The following TMTC2 variants were observed in gnomAD, a reference collection of about 807,000 sequenced individuals.
TMTC2 encodes protein O-mannosyl-transferase TMTC2.
TMTC2 carries 43 observed loss-of-function variants against 82.4 expected under a neutral mutation model. The ratio of observed to expected loss-of-function variants is 0.52; its 90% CI spans 0.41 to 0.67. The LOEUF (loss-of-function observed/expected upper bound fraction) is 0.67, where lower values mean the gene tolerates loss of function less well. Ranked by LOEUF, TMTC2 falls within the 30% of genes least tolerant of loss-of-function variation. The pLI is 0.00. For missense variants in TMTC2, 919 were observed against 1,012.4 expected, an observed-to-expected ratio of 0.91 and a Z score of 1.25; for synonymous variants, 408 against 381.9, an observed-to-expected ratio of 1.07 and a Z score of -0.80.
chr12:82,735,642 G>A lies in TMTC2; in HGVS notation c.83+47973G>A, dbSNP rs893730987. On this transcript the variant is annotated intron_variant, in intron 1 of 11. Transcript: ENST00000321196. The stretch of plus-strand genomic sequence containing the variant: ...TTACAGGCGTGAGCCACCGCACCCA[G>A]CCCCCCTAATTTTGATTTTTTAAAG... Among the ~76,000 whole-genome samples, 3 of 142,178 alleles carry A rather than the reference G, an allele frequency of 2.1e-5. No individual in the cohort carries two copies. The South Asian group carries it at 7.8e-4, about 37-fold the overall frequency. The allele number at this position is 142,178 out of a possible 152,430, so 93.3% of individuals were successfully genotyped here. A position where few individuals can be genotyped will look rare whatever the true frequency, so the allele number is the denominator to read the frequency against.
At position 83,102,198 on chromosome 12, in the gene TMTC2, CAT is replaced by C. The variant is rs1206298810; in HGVS notation, c.2332-30011_2332-30010del. Among the ~76,000 whole-genome samples, 4 of 152,306 alleles carry C rather than the reference CAT, an allele frequency of 2.6e-5. No homozygotes were observed. In the East Asian group the frequency reaches 5.8e-4, roughly 22 times the overall value. On this transcript the variant is annotated intron_variant, in intron 11 of 11. Coordinates refer to ENST00000321196, the MANE Select transcript of TMTC2 (RefSeq NM_152588.3). ...GGATAGATAGCAAGAAAAGTTGACA[CAT>C]GTGTCCTTTATTCATCCTGTGAATA...
At chr12:82,966,840 G>GAA in intron 6 of TMTC2, 79 bp from the exon 7 acceptor site, 9 of 1,059,672 alleles carry the variant, frequency 8.5e-6, no homozygotes, top group Non-Finnish European at 1.2e-5. Flanking sequence ...AACTTTGGAA[G>GAA]AAAGTTATTA....
intron 2 of TMTC2, among the ~76,000 whole-genome samples, chr12:82,893,058 A>C (rs531711361): frequency 6.6e-6 from 1 of 152,202 alleles, no homozygotes; most frequent in Non-Finnish European, 1.5e-5. Flanking sequence ...GAGGCTTTGA[A>C]GTATTTCGGC....
At chr12:83,009,870 C>G (rs1880376244) in intron 8 of TMTC2, among the ~76,000 whole-genome samples, 2 of 152,150 alleles carry the variant, frequency 1.3e-5, no homozygotes, top group Admixed American at 6.5e-5. Context: ...GATAAACAAG[C>G]ATTAGATTTT....
intron 4 of TMTC2, among the ~76,000 whole-genome samples, chr12:82,940,849 G>C (rs1410256420): frequency 6.6e-6 from 1 of 151,862 alleles, no homozygotes; most frequent in South Asian, 2.1e-4. Context: ...GTCTCACAAA[G>C]CCACTAATAC....
At chr12:82,836,024 C>T (rs953738453) in intron 1 of TMTC2, among the ~76,000 whole-genome samples, 20 of 152,200 alleles carry the variant, frequency 1.3e-4, no homozygotes, top group Admixed American at 2.6e-4. Flanking sequence ...GGGGCTCTAA[C>T]ACCATGTTTC....
intron 1 of TMTC2, among the ~76,000 whole-genome samples, chr12:82,767,762 T>C (rs1034783018): frequency 6.6e-6 from 1 of 152,218 alleles, no homozygotes; most frequent in African/African-American, 2.4e-5. Context: ...CGATTGGTTC[T>C]ATTGTTTATT....
intron 11 of TMTC2, among the ~76,000 whole-genome samples, chr12:83,079,429 A>G (rs1055131448): frequency 2.0e-5 from 3 of 152,188 alleles, no homozygotes; most frequent in African/African-American, 4.8e-5. Flanking sequence ...ATTTTCCACT[A>G]TAATTCCAGG....
intron 1 of TMTC2, among the ~76,000 whole-genome samples, chr12:82,825,650 C>G (rs897533460): frequency 2.0e-5 from 3 of 152,118 alleles, no homozygotes; most frequent in African/African-American, 7.2e-5. Context: ...AATAAAAAAT[C>G]TCTCCCAAAT....
intron 8 of TMTC2, among the ~76,000 whole-genome samples, chr12:83,025,582 A>G (rs1386884769): frequency 1.3e-5 from 2 of 152,162 alleles, no homozygotes; most frequent in African/African-American, 4.8e-5. Context: ...ATGCCCTACT[A>G]TTAAATTCTG....
At chr12:83,071,630 A>G (rs187423600) in intron 11 of TMTC2, among the ~76,000 whole-genome samples, 3 of 151,984 alleles carry the variant, frequency 2.0e-5, no homozygotes, top group Admixed American at 2.0e-4. Context: ...CTGGTCCTGG[A>G]TATTTTTGTT....
At chr12:82,696,020 A>G (rs1334718701) in intron 1 of TMTC2, among the ~76,000 whole-genome samples, 1 of 152,202 alleles carries the variant, frequency 6.6e-6, no homozygotes, top group African/African-American at 2.4e-5. Context: ...TTTTTCAAGT[A>G]TATTTCCTTT....
chr12:83,043,921 A>G (rs1032025414), intron 9 of TMTC2, among the ~76,000 whole-genome samples: 1 of 152,224 alleles, frequency 6.6e-6, no homozygotes, highest in Non-Finnish European at 1.5e-5. Flanking sequence ...CATAGTTTGA[A>G]TTGTTCCGAA....
At chr12:82,848,735 A>G (rs113823702) in intron 1 of TMTC2, among the ~76,000 whole-genome samples, 38 of 152,230 alleles carry the variant, frequency 2.5e-4, no homozygotes, top group African/African-American at 8.9e-4. Flanking sequence ...AATATCTCCC[A>G]TATATCATCC....
At chr12:82,785,081 G>A (rs1878109795) in intron 1 of TMTC2, among the ~76,000 whole-genome samples, 1 of 152,078 alleles carries the variant, frequency 6.6e-6, no homozygotes, top group Non-Finnish European at 1.5e-5. Context: ...TCTTAAAGAT[G>A]TAGTCATGTA....
At chr12:82,696,922 GA>G (rs1211428624) in intron 1 of TMTC2, among the ~76,000 whole-genome samples, 1 of 149,174 alleles carries the variant, frequency 6.7e-6, no homozygotes. Context: ...AAGGGATGCT[GA>G]GATGGCTTCT....
intron 4 of TMTC2, among the ~76,000 whole-genome samples, chr12:82,947,631 C>G (rs1877093838): frequency 6.6e-6 from 1 of 152,122 alleles, no homozygotes; most frequent in South Asian, 2.1e-4. Context: ...TGCCCAGCCT[C>G]AGAGTGCAAT....
chr12:82,964,291 A>C (rs1878088658), intron 4 of TMTC2, among the ~76,000 whole-genome samples: 1 of 151,986 alleles, frequency 6.6e-6, no homozygotes, highest in Non-Finnish European at 1.5e-5. Context: ...TCATTCGGTC[A>C]TGAGGGTGGG....
intron 11 of TMTC2, among the ~76,000 whole-genome samples, chr12:83,105,893 A>G (rs1362038491): frequency 6.6e-6 from 1 of 152,210 alleles, no homozygotes. Context: ...AGTAATCACC[A>G]TGAATGGGAA....
Sources: gnomAD v4.1 joint callset for allele counts (sites outside exome capture counted in the v4.1 genomes callset) on GRCh38, gnomAD v4.1.1 for gene constraint, MANE v1.5 for transcripts, NCBI Gene and HGNC (gene_info 2026-07-23, HGNC 2026-07-21) for gene names.